Variants in PDE4B observed in about 807,000 individuals in gnomAD.
PDE4B encodes the protein 3',5'-cyclic-AMP phosphodiesterase 4B.
PDE4B carries 20 observed loss-of-function variants against 82.2 expected under a neutral mutation model. That is an observed-to-expected ratio of 0.24 (90% CI 0.17 to 0.35). The LOEUF (loss-of-function observed/expected upper bound fraction) is 0.35. PDE4B is among the 10% of genes least tolerant of loss of function. PDE4B has a pLI of 1.00. For missense variants in PDE4B, 655 were observed against 907.2 expected, an observed-to-expected ratio of 0.72 and a Z score of 3.57; for synonymous variants, 320 against 318.9, an observed-to-expected ratio of 1.00 and a Z score of -0.04.
intron 3 of PDE4B, among the ~76,000 whole-genome samples, chr1:66,173,400 G>A (rs1646874822): frequency 6.6e-6 from 1 of 152,168 alleles, no homozygotes; most frequent in Admixed American, 6.5e-5. Flanking sequence ...AAACTGGTCA[G>A]GGTGTTTCCC....
intron 1 of PDE4B, among the ~76,000 whole-genome samples, chr1:65,908,144 T>C (rs548723565): frequency 5.3e-5 from 8 of 152,288 alleles, no homozygotes; most frequent in African/African-American, 1.9e-4. Flanking sequence ...AACTTCTGTA[T>C]CCCTTAGGCT....
intron 1 of PDE4B, among the ~76,000 whole-genome samples, chr1:65,907,081 A>G (rs932413878): frequency 3.2e-4 from 49 of 152,162 alleles, no homozygotes; most frequent in Non-Finnish European, 1.3e-4. Context: ...GACCTTTCTT[A>G]TTACATATAC....
intron 1 of PDE4B, among the ~76,000 whole-genome samples, chr1:65,860,948 C>A (rs573327232): frequency 6.6e-6 from 1 of 152,170 alleles, no homozygotes; most frequent in Admixed American, 6.5e-5. Flanking sequence ...TGGATCTTAG[C>A]CCTTTGTCAG....
intron 3 of PDE4B, among the ~76,000 whole-genome samples, chr1:66,216,676 G>T (rs1650490428): frequency 6.6e-6 from 1 of 152,156 alleles, no homozygotes. Flanking sequence ...AGCATAGTCA[G>T]CTATTAGCTA....
rs543829935 is a variant in PDE4B at position 66,129,144 on chromosome 1, C to T, written c.282-118316C>T. 1.4e-4 allele frequency among the ~76,000 whole-genome samples: 22 copies of T among 152,296 alleles called. No individual in the cohort carries two copies. In the South Asian group the frequency reaches 1.9e-3, roughly 13 times the overall value. Reference sequence around the variant, plus strand: ...CCATGTGAGTGTTTGCATCTAGAGACGTTGTGTTATTCCTCTTGTAGCTTG... The same window carrying T: ...CCATGTGAGTGTTTGCATCTAGAGATGTTGTGTTATTCCTCTTGTAGCTTG... On this transcript the variant is annotated intron_variant, in intron 3 of 16. Transcript: ENST00000341517.
At chr1:66,160,791 G>A (rs763552455) in intron 3 of PDE4B, among the ~76,000 whole-genome samples, 5 of 152,152 alleles carry the variant, frequency 3.3e-5, no homozygotes, top group Non-Finnish European at 7.4e-5. Flanking sequence ...TAGATTCTTA[G>A]TGCCTCTGAA....
At chr1:66,229,165 G>A (rs187389695) in intron 3 of PDE4B, among the ~76,000 whole-genome samples, 3,032 of 118,724 alleles carry the variant, frequency 0.026, 42 homozygotes, top group Middle Eastern at 0.065. Context: ...CCACCACCAT[G>A]CCCGGCTAAT....
intron 3 of PDE4B, among the ~76,000 whole-genome samples, chr1:65,970,436 G>T (rs947174435): frequency 2.6e-5 from 4 of 152,002 alleles, no homozygotes; most frequent in African/African-American, 9.7e-5. Flanking sequence ...GTAATATATT[G>T]CTGTCAAATA....
At chr1:65,932,522 G>A (rs1216895503) in intron 3 of PDE4B, among the ~76,000 whole-genome samples, 1 of 151,936 alleles carries the variant, frequency 6.6e-6, no homozygotes, top group African/African-American at 2.4e-5. Context: ...AGAGGTCACT[G>A]TTTTGTCTAA....
chr1:66,185,623 G>T (rs1330634285), intron 3 of PDE4B, among the ~76,000 whole-genome samples: 2 of 152,100 alleles, frequency 1.3e-5, no homozygotes. Flanking sequence ...GTGTTTTTTG[G>T]CTGCATAAAT....
intron 2 of PDE4B, among the ~76,000 whole-genome samples, chr1:65,915,708 C>A (rs1234180155): frequency 1.3e-5 from 2 of 152,190 alleles, no homozygotes; most frequent in Admixed American, 6.5e-5. Context: ...CCCCTCCTCT[C>A]TGTAAACTTC....
intron 3 of PDE4B, among the ~76,000 whole-genome samples, chr1:66,200,781 G>C (rs1021202728): frequency 1.3e-5 from 2 of 152,198 alleles, no homozygotes; most frequent in African/African-American, 4.8e-5. Context: ...ATACAATCAT[G>C]TCATCTGCAA....
At chr1:65,843,775 AC>A (rs1455789472) in intron 1 of PDE4B, among the ~76,000 whole-genome samples, 1 of 152,148 alleles carries the variant, frequency 6.6e-6, no homozygotes, top group Non-Finnish European at 1.5e-5. Context: ...ATAAAGATGT[AC>A]TTTTAAAAGA....
At chr1:66,218,159 G>T (rs1159039444) in intron 3 of PDE4B, among the ~76,000 whole-genome samples, 1 of 152,104 alleles carries the variant, frequency 6.6e-6, no homozygotes, top group Non-Finnish European at 1.5e-5. Context: ...CATGGGAACT[G>T]CAGGAAGATT....
chr1:65,987,205 C>T (rs972337842), intron 3 of PDE4B, among the ~76,000 whole-genome samples: 1 of 152,126 alleles, frequency 6.6e-6, no homozygotes, highest in African/African-American at 2.4e-5. Context: ...AACATGAAAC[C>T]ATGCTCAAGC....
chr1:65,894,844 A>G (rs1344219238), intron 1 of PDE4B, among the ~76,000 whole-genome samples: 1 of 152,174 alleles, frequency 6.6e-6, no homozygotes, highest in Non-Finnish European at 1.5e-5. Flanking sequence ...TAGAGTGGGT[A>G]AAATGAACAA....
At chr1:66,295,551 C>G (rs1406735477) in intron 7 of PDE4B, among the ~76,000 whole-genome samples, 2 of 152,146 alleles carry the variant, frequency 1.3e-5, no homozygotes, top group Admixed American at 6.5e-5. Context: ...GGCTCAGCCT[C>G]TCATGTAGCT....
intron 1 of PDE4B, among the ~76,000 whole-genome samples, chr1:65,872,650 G>A (rs777549976): frequency 7.9e-5 from 12 of 152,126 alleles, no homozygotes; most frequent in Non-Finnish European, 1.3e-4. Context: ...CAGTGTTAAT[G>A]GATGTGGAAT....
At chr1:65,838,652 T>G (rs1264139113) in intron 1 of PDE4B, among the ~76,000 whole-genome samples, 2 of 149,940 alleles carry the variant, frequency 1.3e-5, no homozygotes, top group African/African-American at 4.9e-5. Flanking sequence ...TATACATATA[T>G]ATATGTTTTT....
Sources: allele counts gnomAD v4.1 joint callset (sites outside exome capture counted in the v4.1 genomes callset), GRCh38; gene constraint gnomAD v4.1.1; transcripts MANE v1.5; gene names NCBI Gene and HGNC (gene_info 2026-07-23, HGNC 2026-07-21).